GCFC2: variants seen among roughly 807,000 people sequenced by gnomAD.
GCFC2 encodes the protein intron Large complex component GCFC2.
GCFC2 carries 102 observed loss-of-function variants against 99.4 expected under a neutral mutation model. The ratio of observed to expected loss-of-function variants is 1.03; its 90% CI spans 0.87 to 1.21. The LOEUF (loss-of-function observed/expected upper bound fraction) is 1.21, where lower values mean the gene tolerates loss of function less well. Among genes scored for constraint, GCFC2 ranks in the 50% most tolerant of loss-of-function variants. The pLI is 0.00. For missense variants in GCFC2, 973 were observed against 920.9 expected (o/e 1.06, Z -0.73); for synonymous variants, 338 against 316.8 (o/e 1.07, Z -0.71).
chr2:75,674,587 A>G (rs1679258791), intron 12 of GCFC2, among the ~76,000 whole-genome samples: 1 of 152,044 alleles, frequency 6.6e-6, no homozygotes, highest in African/African-American at 2.4e-5. Context: ...TTTTTTTCAT[A>G]TATTAGCAAT....
chr2:75,675,181 AGT>A (rs1268746180), intron 12 of GCFC2, among the ~76,000 whole-genome samples: 1 of 152,212 alleles, frequency 6.6e-6, no homozygotes, highest in African/African-American at 2.4e-5. Context: ...TGGTAGATTA[AGT>A]GTTGATAAAT....
At chr2:75,711,028 G>A, upstream of GCFC2, 1 of 1,338,098 alleles carries the variant, frequency 7.5e-7, no homozygotes, top group Non-Finnish European at 9.5e-7. Flanking sequence ...TTGGCTCCCT[G>A]GATCTGGTAG....
At chr2:75,698,259 G>T (rs1424384339) in intron 4 of GCFC2, among the ~76,000 whole-genome samples, 1 of 152,038 alleles carries the variant, frequency 6.6e-6, no homozygotes, top group Non-Finnish European at 1.5e-5. Context: ...TATACTAAGT[G>T]CCATAAAAAT....
intron 8 of GCFC2, 61 bp from the exon 9 acceptor site, chr2:75,690,142 G>T: frequency 1.1e-6 from 1 of 925,102 alleles, no homozygotes; most frequent in Non-Finnish European, 1.7e-6. Context: ...GAAAATAAAT[G>T]CCTAAATTTT....
chr2:75,677,097 CT>C (rs1679375343), intron 12 of GCFC2, among the ~76,000 whole-genome samples: 1 of 152,150 alleles, frequency 6.6e-6, no homozygotes, highest in South Asian at 2.1e-4. Flanking sequence ...TAACAATTTG[CT>C]TCAATAAACA....
At chr2:75,682,368 G>GC in intron 11 of GCFC2, among the ~76,000 whole-genome samples, 1 of 151,804 alleles carries the variant, frequency 6.6e-6, no homozygotes, top group East Asian at 1.9e-4. Context: ...ACTGTTAAAA[G>GC]CAAAACTAAC....
intron 5 of GCFC2, among the ~76,000 whole-genome samples, chr2:75,695,687 C>G (rs1680281273): frequency 1.3e-5 from 2 of 152,110 alleles, no homozygotes; most frequent in South Asian, 4.1e-4. Flanking sequence ...ATATTACATA[C>G]AGTACACCTG....
chr2:75,673,469 C>T lies in GCFC2; in HGVS notation c.1864G>A (p.Val622Ile), dbSNP rs377143656. ...CTCTTTGGATACAGAGGAATAAAAA[C>T]ATCATCTTCTACTGCCTTTTTCATT... ...SRMKKAVEDD[V>I]FIPLYPKSAV... The change falls in exon 13 of 17, where the codon GTT becomes ATT. Residue 622 changes from valine to isoleucine, a missense_variant. Transcript: ENST00000321027. The T allele has an allele frequency of 3.3e-5, 47 of 1,428,478 alleles. No individual in the cohort carries two copies. Among genetic ancestry groups the T allele is most frequent in the African/African-American group, 1.3e-4 (9 of 71,318 alleles). 88.5% of individuals were successfully genotyped at this position (1,428,478 alleles called of 1,614,324 possible). A position where few individuals can be genotyped will look rare whatever the true frequency, so the allele number is the denominator to read the frequency against.
chr2:75,676,977 A>G (rs939613186), intron 12 of GCFC2, among the ~76,000 whole-genome samples: 2 of 152,204 alleles, frequency 1.3e-5, no homozygotes, highest in African/African-American at 4.8e-5. Flanking sequence ...AGCTGAGAAG[A>G]TATCTAATAC....
intron 4 of GCFC2, among the ~76,000 whole-genome samples, chr2:75,700,641 ATAAAAT>A (rs1404559591): frequency 6.6e-6 from 1 of 152,234 alleles, no homozygotes; most frequent in Non-Finnish European, 1.5e-5. Flanking sequence ...GTCAATTACT[ATAAAAT>A]TAAAGATTAA....
chr2:75,673,402 T>C (rs1311572102), intron 13 of GCFC2, 42 bp downstream of exon 13: 1 of 825,200 alleles, frequency 1.2e-6, no homozygotes, highest in East Asian at 2.4e-5. Context: ...CTGTATTCTA[T>C]GATCAGCTAT....
Position 75,694,384 on chromosome 2 carries a change from ACTCC to A in GCFC2, c.873_876del (p.Arg291SerfsTer19), listed in dbSNP as rs1453633593. ...TTGACATCTTGTACGTATTTTTCAT[ACTCC>A]CTCAGGTGTGAGCGGTGAGTTTCCT... On this transcript the variant is annotated frameshift_variant, in exon 6 of 17. Coordinates refer to ENST00000321027, the MANE Select transcript of GCFC2 (RefSeq NM_003203.5). LOFTEE classifies it high-confidence loss of function. 2 of 1,531,350 alleles carry A rather than the reference ACTCC, an allele frequency of 1.3e-6. No homozygotes were observed. The highest frequency in any genetic ancestry group is 2.5e-5 in the South Asian group (2 of 78,488). The allele number at this position is 1,531,350 out of a possible 1,614,324, so 94.9% of individuals were successfully genotyped here. A position where few individuals can be genotyped will look rare whatever the true frequency, so the allele number is the denominator to read the frequency against.
rs549677944 is a variant in GCFC2 at position 75,679,671 on chromosome 2, T to G, written c.1812+522A>C. 12 of 397,702 alleles carry G rather than the reference T, an allele frequency of 3.0e-5. No individual in the cohort carries two copies. The East Asian group carries it at 3.9e-4, about 13-fold the overall frequency. The allele number at this position is 397,702 out of a possible 1,614,324, so 24.6% of individuals were successfully genotyped here. The stretch of plus-strand genomic sequence containing the variant: ...AACCATTGTTCAAGCAAAGCCACAA[T>G]GCCACTGGATTTTTGCCAAAAGAAC... On this transcript the variant is annotated intron_variant, in intron 12 of 16. Coordinates refer to ENST00000321027, the MANE Select transcript of GCFC2 (RefSeq NM_003203.5).
chr2:75,706,346 G>A (rs1156728958), intron 2 of GCFC2, among the ~76,000 whole-genome samples, 177 bp downstream of exon 2: 2 of 152,156 alleles, frequency 1.3e-5, no homozygotes, highest in Non-Finnish European at 2.9e-5. Flanking sequence ...CTACTTATAA[G>A]CTGTCTGACC....
chr2:75,711,719 C>T (rs1681194183), upstream of GCFC2, among the ~76,000 whole-genome samples: 1 of 152,210 alleles, frequency 6.6e-6, no homozygotes, highest in South Asian at 2.1e-4. Flanking sequence ...GGCACCCGGG[C>T]CAGCGGCTAC....
At chr2:75,711,816 C>T (rs981006133), upstream of GCFC2, among the ~76,000 whole-genome samples, 4 of 152,264 alleles carry the variant, frequency 2.6e-5, no homozygotes, top group Non-Finnish European at 5.9e-5. Flanking sequence ...TCCCGCGGTG[C>T]AGGGCTCGGG....
chr2:75,663,101 GT>G lies in GCFC2; in HGVS notation c.*1564del, dbSNP rs762056723. 5.9e-5 allele frequency: 9 copies of G among 152,030 alleles called. No homozygotes were observed. The highest frequency in any genetic ancestry group is 1.0e-4 in the Non-Finnish European group (7 of 67,982). The allele number at this position is 152,030 out of a possible 1,614,324, so 9.4% of individuals were successfully genotyped here. A position where few individuals can be genotyped will look rare whatever the true frequency, so the allele number is the denominator to read the frequency against. Reference sequence around the variant, plus strand: ...TGAGATTCTATCCTTGTATAATTTTGTTACTAATATAAACATCAAAAAATTC... The same window carrying G: ...TGAGATTCTATCCTTGTATAATTTTGTACTAATATAAACATCAAAAAATTC... On this transcript the variant is annotated 3_prime_UTR_variant, in exon 17 of 17. Transcript: ENST00000321027.
At position 75,664,489 on chromosome 2, in the gene GCFC2, A is replaced by T; in HGVS notation, c.*177T>A. ...CCTTAGAACACCACAGAATCATGGC[A>T]GCTTTTCATGATGCCAGAAGGTAAA... On this transcript the variant is annotated 3_prime_UTR_variant, in exon 17 of 17. Transcript: ENST00000321027. 2 of 412,642 alleles carry T rather than the reference A, an allele frequency of 4.8e-6. No individual in the cohort carries two copies. Among genetic ancestry groups the T allele is most frequent in the Non-Finnish European group, 8.6e-6 (2 of 231,824 alleles). 25.6% of individuals were successfully genotyped at this position (412,642 alleles called of 1,614,324 possible).
At chr2:75,668,399 C>A (rs1678945225) in intron 15 of GCFC2, among the ~76,000 whole-genome samples, 1 of 152,088 alleles carries the variant, frequency 6.6e-6, no homozygotes, top group Non-Finnish European at 1.5e-5. Flanking sequence ...TTCAGTTGGT[C>A]TGGTGAGTTG....
Sources: allele counts gnomAD v4.1 joint callset (sites outside exome capture counted in the v4.1 genomes callset), GRCh38; gene constraint gnomAD v4.1.1; transcripts MANE v1.5; gene names NCBI Gene and HGNC (gene_info 2026-07-23, HGNC 2026-07-21).